The following PTPRD variants were observed in gnomAD, a reference collection of about 807,000 sequenced individuals.
PTPRD encodes protein tyrosine phosphatase receptor type D.
In PTPRD, 34 loss-of-function variants were observed where a neutral mutation model predicts 214.5. That is an observed-to-expected ratio of 0.16 (90% CI 0.12 to 0.21). The LOEUF is 0.21. Ranked by LOEUF, PTPRD falls within the 10% of genes least tolerant of loss-of-function variation. The pLI is 1.00. For missense variants in PTPRD, 2,545 were observed against 2,398.7 expected (o/e 1.06, Z -1.27); for synonymous variants, 1,128 against 845.7 (o/e 1.33, Z -5.79).
intron 9 of PTPRD, among the ~76,000 whole-genome samples, chr9:9,382,781 G>A (rs1318287703): frequency 8.6e-5 from 13 of 151,982 alleles, no homozygotes; most frequent in Admixed American, 8.5e-4. Context: ...CTTATCATAT[G>A]ATTTGGTAAT....
Position 9,965,140 on chromosome 9 carries a change from G to C in PTPRD, c.-471-26530C>G, listed in dbSNP as rs544513446. On this transcript the variant is annotated intron_variant, in intron 4 of 45. Transcript: ENST00000381196. ...AAATTAGCAAATTTTTCATAACGTG[G>C]ATAGATTCAAACTGCCCTTAAAAAT... is the stretch of plus-strand genomic sequence containing the variant. 1.9e-4 allele frequency among the ~76,000 whole-genome samples: 29 copies of C among 152,184 alleles called. No homozygotes were observed. In the South Asian group the frequency reaches 5.2e-3, roughly 27 times the overall value.
chr9:8,809,406 C>T lies in PTPRD; in HGVS notation c.-103-75460G>A, dbSNP rs569553647. Among the ~76,000 whole-genome samples the T allele has an allele frequency of 6.2e-4, 95 of 152,214 alleles. No homozygotes were observed. The Middle Eastern group carries it at 0.01, about 16-fold the overall frequency. ...CGAGATTTCCAGAGGTTGACTGACT[C>T]CTCCAAGGTCTCATAGGCCTAACAG... On this transcript the variant is annotated intron_variant, in intron 11 of 45. Coordinates refer to ENST00000381196, the MANE Select transcript of PTPRD (RefSeq NM_002839.4).
intron 2 of PTPRD, among the ~76,000 whole-genome samples, chr9:10,385,333 C>T (rs747211241): frequency 6.6e-6 from 1 of 151,684 alleles, no homozygotes; most frequent in Non-Finnish European, 1.5e-5. Context: ...CTATTAGAGT[C>T]TAATTAATGG....
chr9:9,216,673 C>T (rs1321723216), intron 9 of PTPRD, among the ~76,000 whole-genome samples: 1 of 152,050 alleles, frequency 6.6e-6, no homozygotes, highest in Non-Finnish European at 1.5e-5. Context: ...CTAGAAAGAC[C>T]AAGCTTGGTA....
chr9:10,030,186 G>T (rs1303278133), intron 4 of PTPRD, among the ~76,000 whole-genome samples: 1 of 152,140 alleles, frequency 6.6e-6, no homozygotes, highest in African/African-American at 2.4e-5. Flanking sequence ...TTTATCAGCA[G>T]CATGAAAATG....
intron 10 of PTPRD, among the ~76,000 whole-genome samples, chr9:9,070,708 C>T (rs1045141805): frequency 6.6e-6 from 1 of 152,144 alleles, no homozygotes; most frequent in African/African-American, 2.4e-5. Flanking sequence ...TTTGAAGATC[C>T]TATAATCACT....
intron 4 of PTPRD, among the ~76,000 whole-genome samples, chr9:10,031,847 C>A (rs1017168067): frequency 6.6e-6 from 1 of 151,280 alleles, no homozygotes; most frequent in East Asian, 1.9e-4. Context: ...TTTTTGAAGA[C>A]AAGAGATGGT....
chr9:9,240,397 A>G (rs1244064838), intron 9 of PTPRD, among the ~76,000 whole-genome samples: 1 of 152,088 alleles, frequency 6.6e-6, no homozygotes, highest in Non-Finnish European at 1.5e-5. Flanking sequence ...TCTAGGCTGG[A>G]TGCAATGGCT....
rs549087083 is a variant in PTPRD, at chr9:9,014,324, T to C, written c.-104+4373A>G. 5.3e-5 allele frequency among the ~76,000 whole-genome samples: 8 copies of C among 152,088 alleles called. No homozygotes were observed. In the South Asian group the frequency reaches 8.3e-4, roughly 16 times the overall value. ...CAGAAATGTGCTTATGTTGTGTAAA[T>C]TAGATTCCTTTTATTGTGTAAGACT... On this transcript the variant is annotated intron_variant, in intron 11 of 45. Transcript: ENST00000381196.
At chr9:10,222,434 T>G (rs1175334055) in intron 3 of PTPRD, among the ~76,000 whole-genome samples, 2 of 152,104 alleles carry the variant, frequency 1.3e-5, no homozygotes, top group Non-Finnish European at 2.9e-5. Context: ...CTAAACACCC[T>G]TAATAGCATC....
chr9:9,257,179 T>C (rs1266988208), intron 9 of PTPRD, among the ~76,000 whole-genome samples: 2 of 151,962 alleles, frequency 1.3e-5, no homozygotes, highest in Non-Finnish European at 2.9e-5. Context: ...AACAAAACTC[T>C]GGAGGAGTTA....
intron 12 of PTPRD, among the ~76,000 whole-genome samples, chr9:8,669,372 G>C (rs1393972891): frequency 6.6e-6 from 1 of 152,142 alleles, no homozygotes; most frequent in African/African-American, 2.4e-5. Context: ...GCTCACTTCT[G>C]CTATAGAGAT....
chr9:10,510,941 G>C (rs2047812503), intron 2 of PTPRD, among the ~76,000 whole-genome samples: 1 of 151,878 alleles, frequency 6.6e-6, no homozygotes, highest in Non-Finnish European at 1.5e-5. Flanking sequence ...CATATGACTG[G>C]GAACGTAAGA....
chr9:10,268,552 C>T (rs1390959115), intron 3 of PTPRD, among the ~76,000 whole-genome samples: 2 of 152,114 alleles, frequency 1.3e-5, no homozygotes, highest in African/African-American at 4.8e-5. Flanking sequence ...TGACACTCTT[C>T]CTTTCCACCT....
At chr9:9,235,400 C>A (rs4742574) in intron 9 of PTPRD, among the ~76,000 whole-genome samples, 1 of 151,932 alleles carries the variant, frequency 6.6e-6, no homozygotes, top group Non-Finnish European at 1.5e-5. Flanking sequence ...GGATTATTAC[C>A]CTTTGTCCAA....
intron 44 of PTPRD, among the ~76,000 whole-genome samples, chr9:8,321,741 G>C (rs910898510): frequency 2.0e-5 from 3 of 151,604 alleles, no homozygotes; most frequent in Non-Finnish European, 2.9e-5. Flanking sequence ...CAAATTATGA[G>C]TAAAGATAAA....
intron 4 of PTPRD, among the ~76,000 whole-genome samples, chr9:10,030,274 T>C (rs1241545476): frequency 1.3e-5 from 2 of 151,004 alleles, no homozygotes; most frequent in Non-Finnish European, 1.5e-5. Context: ...GAGTCAAATA[T>C]ATTTCTAGGT....
chr9:10,518,388 T>C (rs2050834164), intron 2 of PTPRD, among the ~76,000 whole-genome samples: 1 of 151,990 alleles, frequency 6.6e-6, no homozygotes, highest in Non-Finnish European at 1.5e-5. Context: ...ATTTTACAAG[T>C]AGAAAAAAAT....
intron 11 of PTPRD, among the ~76,000 whole-genome samples, chr9:9,001,143 T>C (rs534447622): frequency 6.6e-6 from 1 of 152,126 alleles, no homozygotes; most frequent in African/African-American, 2.4e-5. Flanking sequence ...TTTTGATTCA[T>C]GCATCCATTT....
Sources: gnomAD v4.1 joint callset for allele counts (sites outside exome capture counted in the v4.1 genomes callset) on GRCh38, gnomAD v4.1.1 for gene constraint, MANE v1.5 for transcripts, NCBI Gene and HGNC (gene_info 2026-07-23, HGNC 2026-07-21) for gene names.